COL6A5: variants seen among roughly 807,000 people sequenced by gnomAD.
COL6A5 encodes collagen type VI alpha 5 chain, also known as collagen alpha-5(VI) chain.
COL6A5 carries 48 observed loss-of-function variants against 65.6 expected under a neutral mutation model. That is an observed-to-expected ratio of 0.73 (90% CI 0.58 to 0.93). COL6A5 has a LOEUF of 0.93. COL6A5 is among the 40% of genes least tolerant of loss of function. COL6A5 has a pLI of 0.00. For missense variants in COL6A5, 914 were observed against 928.3 expected, an observed-to-expected ratio of 0.98 and a Z score of 0.20; for synonymous variants, 291 against 322.8, an observed-to-expected ratio of 0.90 and a Z score of 1.05.
chr3:130,388,493 A>C, intron 5 of COL6A5, 87 bp from the exon 6 acceptor site: 1 of 1,064,990 alleles, frequency 9.4e-7, no homozygotes, highest in East Asian at 2.6e-5. Flanking sequence ...ATGTTTTCTC[A>C]TTAATGCATT....
At chr3:130,461,796 C>T (rs1709707390) in intron 5 of COL6A5, among the ~76,000 whole-genome samples, 1 of 150,524 alleles carries the variant, frequency 6.6e-6, no homozygotes, top group Non-Finnish European at 1.5e-5. Context: ...TTCTTATAAA[C>T]TCATCCAGAG....
intron 1 of COL6A5, among the ~76,000 whole-genome samples, chr3:130,352,421 T>C (rs898126361): frequency 3.9e-5 from 6 of 151,924 alleles, no homozygotes; most frequent in Non-Finnish European, 7.4e-5. Flanking sequence ...AACAAGCTTA[T>C]TGGCAACTGG....
chr3:130,431,181 C>T (rs750431865), upstream of COL6A5: 1 of 674,566 alleles, frequency 1.5e-6, no homozygotes, highest in Non-Finnish European at 2.7e-6. Flanking sequence ...TCCATCAGCT[C>T]AAGAACTCCC....
chr3:130,374,855 A>G (rs1935708266), intron 2 of COL6A5, among the ~76,000 whole-genome samples: 1 of 152,130 alleles, frequency 6.6e-6, no homozygotes, highest in Non-Finnish European at 1.5e-5. Flanking sequence ...GAGTGTGTGT[A>G]TGTCCGTGTC....
In COL6A5 at chr3:130,413,475, G is replaced by T. The variant is rs1246624103; in HGVS notation, c.4663-70G>T. 89 of 1,375,170 alleles carry T rather than the reference G, an allele frequency of 6.5e-5. 1 individual carries two copies. In the Middle Eastern group the frequency reaches 1.8e-3, roughly 27 times the overall value. 85.2% of individuals were successfully genotyped at this position (1,375,170 alleles called of 1,614,324 possible). ...CTTATGTCTAGCAGAGAATGAAAGA[G>T]GCTGATTTGCCTCAAGGAACCCCTC... is the stretch of plus-strand genomic sequence containing the variant. On this transcript the variant is annotated intron_variant and NMD_transcript_variant, in intron 20 of 41. Coordinates refer to the COL6A5 transcript ENST00000312481.
intron 5 of COL6A5, among the ~76,000 whole-genome samples, chr3:130,387,799 A>C (rs564054508): frequency 6.6e-6 from 1 of 152,192 alleles, no homozygotes; most frequent in Admixed American, 6.5e-5. Context: ...ATATATTTGC[A>C]TATTATATAT....
chr3:130,431,958 T>C lies in COL6A5; in HGVS notation c.487+9T>C, dbSNP rs1304886014. The C allele has an allele frequency of 6.5e-7, 1 of 1,546,816 alleles. No homozygotes were observed. Among genetic ancestry groups the C allele is most frequent in the East Asian group, 2.4e-5 (1 of 40,820 alleles). ...TCCTTGAAGCTTTTGGGGTAAGAATTTCTCTTGGCAACTTCTTTAATTTTA... is the reference window on the plus strand; with the variant it reads ...TCCTTGAAGCTTTTGGGGTAAGAATCTCTCTTGGCAACTTCTTTAATTTTA... On this transcript the variant is annotated intron_variant, in intron 1 of 7. Coordinates refer to ENST00000512836, the Ensembl canonical transcript of COL6A5.
At position 130,470,686 on chromosome 3, in the gene COL6A5, G is replaced by A. The variant is rs571282875; in HGVS notation, c.2232-185G>A. Reference sequence around the variant, plus strand: ...ATTGGAATTATTTATTCAATGACTGGCTGTATCTTCTTGACTTTGCCAAGA... The same window carrying A: ...ATTGGAATTATTTATTCAATGACTGACTGTATCTTCTTGACTTTGCCAAGA... On this transcript the variant is annotated intron_variant, in intron 6 of 7. Transcript: ENST00000512836. 1.9e-4 allele frequency among the ~76,000 whole-genome samples: 29 copies of A among 152,074 alleles called. 2 individuals are homozygous for A. In the South Asian group the frequency reaches 6.0e-3, roughly 32 times the overall value.
chr3:130,388,671 G>T, exon 6 of COL6A5: 1 of 1,551,136 alleles, frequency 6.4e-7, no homozygotes. Context: ...AAATCTTCAT[G>T]AAAAACCTGT....
At chr3:130,397,811 C>T in exon 9 of COL6A5, 1 of 1,551,664 alleles carries the variant, frequency 6.4e-7, no homozygotes. Context: ...TATCAGAAAG[C>T]AGTGTTTGAC....
At chr3:130,450,777 C>T (rs544434583) in intron 4 of COL6A5, among the ~76,000 whole-genome samples, 4 of 152,228 alleles carry the variant, frequency 2.6e-5, no homozygotes, top group Admixed American at 2.6e-4. Flanking sequence ...GGAGCTTGGT[C>T]TGTAGCGCGT....
At chr3:130,379,486 G>A in exon 4 of COL6A5, 2 of 1,551,324 alleles carry the variant, frequency 1.3e-6, no homozygotes, top group Non-Finnish European at 1.7e-6. Flanking sequence ...TGAGTCACTT[G>A]GGACCGGAGG....
At chr3:130,471,923 G>A (rs1709963006) in intron 7 of COL6A5, 5 of 1,534,494 alleles carry the variant, frequency 3.3e-6, no homozygotes, top group Non-Finnish European at 4.4e-6. Flanking sequence ...GCAAGAAAAA[G>A]AAGGTAATCG....
At chr3:130,406,458 A>G (rs1306800869) in intron 17 of COL6A5, 137 bp downstream of exon 17, 4 of 676,418 alleles carry the variant, frequency 5.9e-6, no homozygotes, top group African/African-American at 1.8e-5. Context: ...TTGCTACTGA[A>G]TGTATGCTGC....
chr3:130,397,835 T>C, exon 9 of COL6A5: 1 of 1,551,678 alleles, frequency 6.4e-7, no homozygotes. Flanking sequence ...TTGCTGCAAG[T>C]CAACGTCAGT....
chr3:130,416,232 G>T (rs78022895), intron 23 of COL6A5, among the ~76,000 whole-genome samples: 4,877 of 152,154 alleles, frequency 0.032, 97 homozygotes, highest in South Asian at 0.083. Context: ...ATTCAGTTCT[G>T]CTCAGACGGT....
chr3:130,437,130 A>G (rs1709051653), intron 1 of COL6A5, among the ~76,000 whole-genome samples: 1 of 152,054 alleles, frequency 6.6e-6, no homozygotes, highest in Admixed American at 6.5e-5. Context: ...ATCTCTTCTT[A>G]TATCCAACAT....
At chr3:130,481,831 T>C (rs1452556200) in intron 7 of COL6A5, among the ~76,000 whole-genome samples, 2 of 152,214 alleles carry the variant, frequency 1.3e-5, no homozygotes, top group Non-Finnish European at 1.5e-5. Context: ...GTTTGTTGGC[T>C]GCATAAATGT....
At chr3:130,475,121 A>AT (rs372450338) in intron 7 of COL6A5, among the ~76,000 whole-genome samples, 4 of 151,892 alleles carry the variant, frequency 2.6e-5, no homozygotes, top group African/African-American at 9.7e-5. Context: ...GATTGCGAAA[A>AT]AGGCGAACAG....
Sources: gnomAD v4.1 joint callset for allele counts (sites outside exome capture counted in the v4.1 genomes callset) on GRCh38, gnomAD v4.1.1 for gene constraint, MANE v1.5 for transcripts, NCBI Gene and HGNC (gene_info 2026-07-23, HGNC 2026-07-21) for gene names.